ZNF267: variants seen among roughly 807,000 people sequenced by gnomAD.
ZNF267 encodes zinc finger protein 267, also known as zinc finger (C2H2).
In ZNF267, 61 loss-of-function variants were observed where a neutral mutation model predicts 71.6. That is an observed-to-expected ratio of 0.85 (90% CI 0.69 to 1.05). ZNF267 has a LOEUF of 1.05. ZNF267 is among the 50% of genes least tolerant of loss of function. ZNF267 has a pLI of 0.00. For synonymous variants in ZNF267, 288 were observed against 293.2 expected (o/e 0.98, Z 0.18); for missense variants, 852 against 870.0 (o/e 0.98, Z 0.26).
At chr16:31,882,878 A>C (rs2083899703) in intron 1 of ZNF267, among the ~76,000 whole-genome samples, 1 of 152,184 alleles carries the variant, frequency 6.6e-6, no homozygotes. Flanking sequence ...CTTTGTAATG[A>C]GTATCTAGGA....
chr16:31,875,098 C>A, intron 1 of ZNF267: 1 of 1,285,454 alleles, frequency 7.8e-7, no homozygotes, highest in Non-Finnish European at 1.0e-6. Context: ...GGCACAGACA[C>A]GTTATCGGAA....
At chr16:31,892,204 T>A (rs1265938777) in intron 3 of ZNF267, among the ~76,000 whole-genome samples, 1 of 152,102 alleles carries the variant, frequency 6.6e-6, no homozygotes, top group African/African-American at 2.4e-5. Flanking sequence ...AGTCACATCT[T>A]ACATGGATGG....
At chr16:31,899,324 C>G (rs2084021779) in intron 3 of ZNF267, among the ~76,000 whole-genome samples, 1 of 152,190 alleles carries the variant, frequency 6.6e-6, no homozygotes, top group African/African-American at 2.4e-5. Context: ...GAAATCACAA[C>G]AAACTGTCTC....
In ZNF267 at chr16:31,916,560, C is replaced by G; in HGVS notation, c.*79C>G. 5 of 1,348,496 alleles carry G rather than the reference C, an allele frequency of 3.7e-6. No individual in the cohort carries two copies. In the African/African-American group the frequency reaches 4.4e-5, roughly 12 times the overall value. The allele number at this position is 1,348,496 out of a possible 1,614,324, so 83.5% of individuals were successfully genotyped here. A position where few individuals can be genotyped will look rare whatever the true frequency, so the allele number is the denominator to read the frequency against. ...TCAGATAATTTATATGGGAGTGAAACCCTACAAATGTTAAGAATGTGGCAT... is the reference window on the plus strand; with the variant it reads ...TCAGATAATTTATATGGGAGTGAAAGCCTACAAATGTTAAGAATGTGGCAT... On this transcript the variant is annotated 3_prime_UTR_variant, in exon 4 of 4. Transcript: ENST00000300870.
Position 31,915,036 on chromosome 16 carries a change from C to G in ZNF267, c.787C>G (p.Gln263Glu), listed in dbSNP as rs1428518310. The G allele has an allele frequency of 1.9e-6, 3 of 1,611,368 alleles. No individual in the cohort carries two copies. The highest frequency in any genetic ancestry group is 2.5e-6 in the Non-Finnish European group (3 of 1,179,314). ...TCAGAGTATGCATGGGCAAGAGAAA[C>G]AAGAACAGTCTTACAAATGTAATAA... is the stretch of plus-strand genomic sequence containing the variant. ...FLQSMHGQEKQEQSYKCNKCV... is the reference protein window; with the variant it reads ...FLQSMHGQEKEEQSYKCNKCV... The change falls in exon 4 of 4, where the codon CAA becomes GAA. Residue 263 changes from glutamine to glutamate, a missense_variant. Transcript: ENST00000300870.
chr16:31,901,269 A>G (rs1028412636), intron 3 of ZNF267, among the ~76,000 whole-genome samples: 1 of 152,118 alleles, frequency 6.6e-6, no homozygotes, highest in Non-Finnish European at 1.5e-5. Flanking sequence ...ATACATGTGC[A>G]TGTGTCTTTA....
chr16:31,898,586 TTC>T (rs2084016681), intron 3 of ZNF267, among the ~76,000 whole-genome samples: 1 of 152,130 alleles, frequency 6.6e-6, no homozygotes, highest in African/African-American at 2.4e-5. Flanking sequence ...CCTTTCTCAT[TTC>T]TTTTTGTGTA....
In ZNF267 at chr16:31,916,759, AT is replaced by A; in HGVS notation, c.*279del. On this transcript the variant is annotated 3_prime_UTR_variant, in exon 4 of 4. Transcript: ENST00000300870. ...AAATGTGAAAAGTTTTATTCAAAAT[AT>A]CAAACTTATGAGTCACCTAGGGGTT... The A allele has an allele frequency of 3.0e-6, 1 of 328,204 alleles. No individual in the cohort carries two copies. Among genetic ancestry groups the A allele is most frequent in the Non-Finnish European group, 5.5e-6 (1 of 180,404 alleles). The allele number at this position is 328,204 out of a possible 1,614,324, so 20.3% of individuals were successfully genotyped here. A position where few individuals can be genotyped will look rare whatever the true frequency, so the allele number is the denominator to read the frequency against.
chr16:31,878,672 A>C (rs771035106), intron 1 of ZNF267, among the ~76,000 whole-genome samples: 12 of 152,170 alleles, frequency 7.9e-5, no homozygotes, highest in Non-Finnish European at 1.6e-4. Flanking sequence ...TATCTGTAGC[A>C]CAAACCAGTC....
intron 1 of ZNF267, among the ~76,000 whole-genome samples, chr16:31,878,090 G>A (rs557234606): frequency 3.3e-5 from 5 of 152,148 alleles, no homozygotes; most frequent in Non-Finnish European, 7.3e-5. Flanking sequence ...CTGACTCTGC[G>A]TGGTGTCAGA....
chr16:31,906,579 G>A (rs574348211), intron 3 of ZNF267, among the ~76,000 whole-genome samples: 3 of 152,198 alleles, frequency 2.0e-5, no homozygotes, highest in South Asian at 2.1e-4. Context: ...CTCCGAGCCA[G>A]GTGCGGGATA....
chr16:31,900,745 C>T (rs531001180), intron 3 of ZNF267, among the ~76,000 whole-genome samples: 16 of 145,220 alleles, frequency 1.1e-4, no homozygotes, highest in Admixed American at 9.2e-4. Flanking sequence ...TGCCCGGCCC[C>T]AAGAATTCTT....
At chr16:31,881,668 T>C (rs1405129398) in intron 1 of ZNF267, among the ~76,000 whole-genome samples, 1 of 149,298 alleles carries the variant, frequency 6.7e-6, no homozygotes, top group East Asian at 1.9e-4. Flanking sequence ...CTTTTTCTTC[T>C]TCTTTTTTTT....
Position 31,915,444 on chromosome 16 carries a change from C to G in ZNF267, c.1195C>G (p.Gln399Glu), listed in dbSNP as rs2084168059. Residue 399 changes from glutamine to glutamate, a missense_variant, in exon 4 of 4, where the codon CAG (glutamine) becomes GAG (glutamate). Gln to Glu is a conservative substitution (Grantham distance 29). Transcript: ENST00000300870. ...FTRSSNLIVH[Q>E]RIHTGEKPYK... Reference sequence around the variant, plus strand: ...TCGTTCCTCCAATCTTATTGTGCATCAGAGAATTCACACTGGAGAGAAACC... The same window carrying G: ...TCGTTCCTCCAATCTTATTGTGCATGAGAGAATTCACACTGGAGAGAAACC... The G allele has an allele frequency of 6.2e-7, 1 of 1,613,890 alleles. No homozygotes were observed. Among genetic ancestry groups the G allele is most frequent in the Non-Finnish European group, 8.5e-7 (1 of 1,179,918 alleles).
intron 3 of ZNF267, among the ~76,000 whole-genome samples, chr16:31,900,661 G>T (rs1468380493): frequency 1.3e-5 from 2 of 151,374 alleles, no homozygotes; most frequent in African/African-American, 4.9e-5. Flanking sequence ...AGCTAGGATG[G>T]TCTTGATCTC....
chr16:31,916,623 G>T lies in ZNF267; in HGVS notation c.*142G>T. 3 of 836,150 alleles carry T rather than the reference G, an allele frequency of 3.6e-6. No homozygotes were observed. The highest frequency in any genetic ancestry group is 5.4e-6 in the Non-Finnish European group (3 of 556,800). The allele number at this position is 836,150 out of a possible 1,614,324, so 51.8% of individuals were successfully genotyped here. On this transcript the variant is annotated 3_prime_UTR_variant, in exon 4 of 4. Coordinates refer to ENST00000300870, the MANE Select transcript of ZNF267 (RefSeq NM_003414.6). ...TTTTCAAGCCTTACACAATAGCAGA[G>T]AATATAAACTGAAAAAATCCATACA...
At chr16:31,903,286 A>AT (rs2084057955) in intron 3 of ZNF267, among the ~76,000 whole-genome samples, 1 of 152,162 alleles carries the variant, frequency 6.6e-6, no homozygotes, top group African/African-American at 2.4e-5. Context: ...TGGTCTCAGG[A>AT]TGATGCTGGC....
rs753796356 is a variant in ZNF267 at position 31,880,422 on chromosome 16, C to T, written c.4-4076C>T. Among the ~76,000 whole-genome samples the T allele has an allele frequency of 3.1e-4, 47 of 152,156 alleles. 1 individual carries two copies. The highest frequency in any genetic ancestry group is 3.0e-3 in the Admixed American group (46 of 15,276). ...GTTACTGGAGTAGGGTAATCTTGTC[C>T]TTTCTTGTACCCAAGAGTCAGCTGA... On this transcript the variant is annotated intron_variant, in intron 1 of 3. Coordinates refer to ENST00000300870, the MANE Select transcript of ZNF267 (RefSeq NM_003414.6).
In ZNF267 at chr16:31,916,435, C is replaced by A. The variant is rs994333880; in HGVS notation, c.2186C>A (p.Ser729Ter). Reference protein sequence around the residue: ...EECGKAFNSRSYLIAHQRSHT... With the variant: ...EECGKAFNSR Reference sequence around the variant, plus strand: ...TGTGGCAAAGCCTTTAACTCTAGGTCATACCTCATTGCACATCAGAGAAGT... The same window carrying A: ...TGTGGCAAAGCCTTTAACTCTAGGTAATACCTCATTGCACATCAGAGAAGT... Residue 729 changes from serine to a stop codon, truncating the protein, a stop_gained, in exon 4 of 4, where the codon TCA (serine) becomes TAA (stop). Coordinates refer to ENST00000300870, the MANE Select transcript of ZNF267 (RefSeq NM_003414.6). LOFTEE classifies it high-confidence loss of function. 6.2e-7 allele frequency: 1 copy of A among 1,614,046 alleles called. No homozygotes were observed. The highest frequency in any genetic ancestry group is 8.5e-7 in the Non-Finnish European group (1 of 1,179,988).
Sources: gnomAD v4.1 joint callset for allele counts (sites outside exome capture counted in the v4.1 genomes callset) on GRCh38, gnomAD v4.1.1 for gene constraint, MANE v1.5 for transcripts, NCBI Gene and HGNC (gene_info 2026-07-23, HGNC 2026-07-21) for gene names.